PHF12: variants seen among roughly 807,000 people sequenced by gnomAD.
PHF12 encodes the protein PHD finger protein 12, also known as PHD factor 1.
Under a neutral mutation model 99.8 loss-of-function variants are expected in PHF12, and 6 were observed. That is an observed-to-expected ratio of 0.06 (90% CI 0.03 to 0.12). The LOEUF (loss-of-function observed/expected upper bound fraction) is 0.12. Among genes scored for constraint, PHF12 ranks in the 10% least tolerant of loss-of-function variants. PHF12 has a pLI of 1.00. For missense variants in PHF12, 954 were observed against 1,300.1 expected, an observed-to-expected ratio of 0.73 and a Z score of 4.09; for synonymous variants, 480 against 514.9, an observed-to-expected ratio of 0.93 and a Z score of 0.92.
Position 28,949,082 on chromosome 17 carries a change from C to T in PHF12, c.248+983G>A, listed in dbSNP as rs546853858. Among the ~76,000 whole-genome samples, 1 of 152,288 alleles carries T rather than the reference C, an allele frequency of 6.6e-6. No homozygotes were observed. The highest frequency in any genetic ancestry group is 2.1e-4 in the South Asian group (1 of 4,826). ...CCCTCCCTCTCGGTTCGGTCTCTCC[C>T]CTCCTCTCATGTCCAGTAAGGGGGA... On this transcript the variant is annotated intron_variant, in intron 2 of 14. Coordinates refer to ENST00000332830, the MANE Select transcript of PHF12 (RefSeq NM_001033561.2). This position sits in a 1 kb window ranked among gnomAD's most constrained non-coding sequence, Gnocchi z 4.6.
chr17:28,937,941 A>T (rs944255130), intron 2 of PHF12, among the ~76,000 whole-genome samples: 1 of 152,170 alleles, frequency 6.6e-6, no homozygotes, highest in African/African-American at 2.4e-5. Context: ...CCTCAACGGT[A>T]ATTTTCTCAC....
chr17:28,906,524 A>G lies in PHF12; in HGVS notation c.2681-7T>C, dbSNP rs1324532950. ...TTCTGGTGCCGGCGGCGCCCTGGGAAAAAGGGGGATGGTCACAGAAGAGGA... is the reference window on the plus strand; with the variant it reads ...TTCTGGTGCCGGCGGCGCCCTGGGAGAAAGGGGGATGGTCACAGAAGAGGA... On this transcript the variant is annotated splice_region_variant and splice_polypyrimidine_tract_variant and intron_variant, in intron 14 of 14. Coordinates refer to ENST00000332830, the MANE Select transcript of PHF12 (RefSeq NM_001033561.2). This position sits in a 1 kb window ranked among gnomAD's most constrained non-coding sequence, Gnocchi z 4.2. The G allele has an allele frequency of 1.3e-6, 2 of 1,591,456 alleles. No individual in the cohort carries two copies. Among genetic ancestry groups the G allele is most frequent in the Non-Finnish European group, 1.7e-6 (2 of 1,164,904 alleles).
At chr17:28,911,758 C>T (rs745613170) in intron 9 of PHF12, among the ~76,000 whole-genome samples, 14 of 152,084 alleles carry the variant, frequency 9.2e-5, no homozygotes, top group Non-Finnish European at 1.6e-4. Flanking sequence ...TCAGTTCAGA[C>T]GGGAGAGACC....
At chr17:28,910,668 G>T in intron 10 of PHF12, 1 of 452,744 alleles carries the variant, frequency 2.2e-6, no homozygotes, top group Non-Finnish European at 3.9e-6. Flanking sequence ...GTCTGTGGGG[G>T]AGGGCCTGGA....
At chr17:28,937,837 G>T (rs2040536626) in intron 2 of PHF12, among the ~76,000 whole-genome samples, 1 of 152,186 alleles carries the variant, frequency 6.6e-6, no homozygotes, top group East Asian at 1.9e-4. Flanking sequence ...AGAAAGATGG[G>T]CTGGGGTGCA....
At chr17:28,925,753 A>C (rs1396458094) in intron 3 of PHF12, 1 of 152,238 alleles carries the variant, frequency 6.6e-6, no homozygotes, top group Non-Finnish European at 1.5e-5. Context: ...TAAAATGGAA[A>C]CCTACGGCCA....
chr17:28,928,833 T>G (rs2040333869), intron 2 of PHF12, among the ~76,000 whole-genome samples: 1 of 151,818 alleles, frequency 6.6e-6, no homozygotes, highest in Non-Finnish European at 1.5e-5. Flanking sequence ...CATGGTGGCT[T>G]ACACTTGTAA....
At chr17:28,931,764 T>A (rs1359623303) in intron 2 of PHF12, among the ~76,000 whole-genome samples, 3 of 151,144 alleles carry the variant, frequency 2.0e-5, no homozygotes, top group African/African-American at 4.9e-5. Context: ...GTTTTTTTTT[T>A]AGAGATGGGG....
chr17:28,907,488 C>T (rs2152654911), intron 13 of PHF12, 102 bp downstream of exon 13: 1 of 1,157,188 alleles, frequency 8.6e-7, no homozygotes, highest in East Asian at 2.4e-5. Context: ...GAGAGGACCC[C>T]CAATCCCTCT....
intron 9 of PHF12, 114 bp from the exon 10 acceptor site, chr17:28,911,351 G>C (rs767208780): frequency 3.2e-5 from 46 of 1,419,220 alleles, no homozygotes; most frequent in African/African-American, 1.4e-5. Context: ...TTCCCTTCTT[G>C]ATTCTCAACC....
At chr17:28,909,495 A>G (rs894675868) in intron 11 of PHF12, 1 of 153,198 alleles carries the variant, frequency 6.5e-6, no homozygotes, top group Non-Finnish European at 1.5e-5. Flanking sequence ...ACTTGGGGAA[A>G]ATTTCCAGAA....
intron 4 of PHF12, 24 bp downstream of exon 4, chr17:28,923,885 G>T (rs1248772948): frequency 6.3e-7 from 1 of 1,587,182 alleles, no homozygotes; most frequent in Non-Finnish European, 8.6e-7. Flanking sequence ...GGTTGGGAAG[G>T]GATATGATGA....
At chr17:28,924,716 C>T (rs967897732) in intron 3 of PHF12, 12 of 258,128 alleles carry the variant, frequency 4.6e-5, no homozygotes, top group Non-Finnish European at 8.5e-5. Context: ...TTTGGGAGGC[C>T]GAGGCAGGCA....
chr17:28,924,949 T>TTAA (rs1190939638), intron 3 of PHF12: 1 of 84,070 alleles, frequency 1.2e-5, no homozygotes, highest in African/African-American at 4.8e-5. Context: ...AGATTCCATC[T>TTAA]CAAAAAAAAA....
Position 28,950,574 on chromosome 17 carries a change from C to T in PHF12, c.66+321G>A. 1.9e-6 allele frequency: 1 copy of T among 516,274 alleles called. No individual in the cohort carries two copies. The highest frequency in any genetic ancestry group is 3.4e-6 in the Non-Finnish European group (1 of 292,922). The allele number at this position is 516,274 out of a possible 1,614,324, so 32.0% of individuals were successfully genotyped here. ...AGACCCGCTCGGGAGAGGCCCAAAG[C>T]CCGGTACCCGGACGTGCTGGGGGAA... On this transcript the variant is annotated intron_variant, in intron 1 of 14. Coordinates refer to ENST00000332830, the MANE Select transcript of PHF12 (RefSeq NM_001033561.2). This position sits in a 1 kb window ranked among gnomAD's most constrained non-coding sequence, Gnocchi z 5.7.
intron 3 of PHF12, chr17:28,926,371 C>T (rs2040273639): frequency 4.8e-6 from 1 of 210,474 alleles, no homozygotes; most frequent in Admixed American, 5.3e-5. Flanking sequence ...TAATCCATAG[C>T]CTGTAATTTG....
At chr17:28,921,273 C>G (rs1479375262) in intron 5 of PHF12, among the ~76,000 whole-genome samples, 2 of 152,190 alleles carry the variant, frequency 1.3e-5, no homozygotes, top group African/African-American at 4.8e-5. Flanking sequence ...CAGGGCTAAT[C>G]TGCTTAAGCC....
intron 8 of PHF12, 112 bp from the exon 9 acceptor site, chr17:28,913,389 A>G: frequency 6.8e-7 from 1 of 1,481,206 alleles, no homozygotes; most frequent in East Asian, 2.3e-5. Flanking sequence ...AGGTCCCATC[A>G]TGAATGCTCA....
intron 2 of PHF12, among the ~76,000 whole-genome samples, chr17:28,931,542 C>A (rs2040406291): frequency 6.6e-6 from 1 of 151,528 alleles, no homozygotes; most frequent in Non-Finnish European, 1.5e-5. Flanking sequence ...CAGGCGTGAG[C>A]CACTGCACCT....
Sources: gnomAD v4.1 joint callset for allele counts (sites outside exome capture counted in the v4.1 genomes callset) on GRCh38, gnomAD v4.1.1 for gene constraint, Gnocchi (gnomAD v3.1) non-coding constraint, MANE v1.5 for transcripts, NCBI Gene and HGNC (gene_info 2026-07-23, HGNC 2026-07-21) for gene names.